Variants in SYT16 observed in about 807,000 individuals in gnomAD.
SYT16 encodes the protein synaptotagmin 16.
SYT16 carries 42 observed loss-of-function variants against 61.4 expected under a neutral mutation model. The observed-to-expected ratio is 0.68, with a 90% CI of 0.53 to 0.89. The LOEUF is 0.89. Among genes scored for constraint, SYT16 ranks in the 40% least tolerant of loss-of-function variants. SYT16 has a pLI of 0.00. For missense variants in SYT16, 804 were observed against 807.3 expected, an observed-to-expected ratio of 1.00 and a Z score of 0.05; for synonymous variants, 314 against 302.3, an observed-to-expected ratio of 1.04 and a Z score of -0.40.
intron 1 of SYT16, among the ~76,000 whole-genome samples, chr14:61,967,057 G>A (rs1258455455): frequency 6.6e-6 from 1 of 152,236 alleles, no homozygotes; most frequent in African/African-American, 2.4e-5. Context: ...GCAACACACT[G>A]TAGAAGCATC....
intron 1 of SYT16, among the ~76,000 whole-genome samples, chr14:61,835,250 ATTTTTT>A (rs11378872): frequency 9.0e-5 from 10 of 110,812 alleles, no homozygotes; most frequent in African/African-American, 2.1e-4. Context: ...TGAAAGGTGA[ATTTTTT>A]TTTTTTTTTT....
At chr14:61,819,893 G>A (rs1414509493) in intron 1 of SYT16, among the ~76,000 whole-genome samples, 1 of 152,202 alleles carries the variant, frequency 6.6e-6, no homozygotes, top group Non-Finnish European at 1.5e-5. Flanking sequence ...GAGTAAAAGA[G>A]ATGGAACAGA....
chr14:62,097,941 C>T (rs2057319444), intron 7 of SYT16, among the ~76,000 whole-genome samples: 1 of 152,162 alleles, frequency 6.6e-6, no homozygotes, highest in Non-Finnish European at 1.5e-5. Flanking sequence ...AAACACAAAT[C>T]CACTCCCTCA....
intron 2 of SYT16, among the ~76,000 whole-genome samples, chr14:61,995,513 G>A (rs1480287739): frequency 6.6e-6 from 1 of 152,128 alleles, no homozygotes; most frequent in Non-Finnish European, 1.5e-5. Flanking sequence ...GGATCTGCAG[G>A]TTTGTAGATG....
At position 61,996,287 on chromosome 14, in the gene SYT16, C is replaced by A. The variant is rs1035256170; in HGVS notation, c.268C>A (p.His90Asn). ...AAATTCCTTGTTTCTTGAAGTGGAT[C>A]ATTTCTCATGTTGTAATAGTGATTT... is the stretch of plus-strand genomic sequence containing the variant. ...DANSLFLEVD[H>N]FSCCNSDLQD... Residue 90 changes from histidine to asparagine, a missense_variant, in exon 3 of 8, where the codon CAT becomes AAT. His to Asn is a moderately conservative substitution (Grantham distance 68). Coordinates refer to ENST00000683842, the MANE Select transcript of SYT16 (RefSeq NM_001367656.1). 3 of 1,613,486 alleles carry A rather than the reference C, an allele frequency of 1.9e-6. No homozygotes were observed. The highest frequency in any genetic ancestry group is 2.7e-5 in the African/African-American group (2 of 74,896).
At chr14:61,876,940 T>C (rs984341051) in intron 1 of SYT16, among the ~76,000 whole-genome samples, 6 of 152,210 alleles carry the variant, frequency 3.9e-5, no homozygotes, top group African/African-American at 1.2e-4. Context: ...GTCATTTACT[T>C]TGAGAGTTCA....
intron 4 of SYT16, among the ~76,000 whole-genome samples, chr14:62,071,559 C>T (rs546620640): frequency 2.6e-5 from 4 of 152,292 alleles, no homozygotes; most frequent in Admixed American, 2.6e-4. Flanking sequence ...GAAATAGCCA[C>T]ATGCCAAACT....
At chr14:61,896,272 G>A (rs1036453853) in intron 1 of SYT16, among the ~76,000 whole-genome samples, 3 of 152,170 alleles carry the variant, frequency 2.0e-5, no homozygotes, top group Non-Finnish European at 4.4e-5. Context: ...TTCCTGCAAG[G>A]TGTACAGGTC....
chr14:62,045,787 A>AT (rs1388049955), intron 3 of SYT16, among the ~76,000 whole-genome samples: 7 of 151,980 alleles, frequency 4.6e-5, no homozygotes, highest in Non-Finnish European at 7.4e-5. Flanking sequence ...TGAACTCATC[A>AT]TTTTTTATGG....
intron 7 of SYT16, among the ~76,000 whole-genome samples, chr14:62,085,578 C>G (rs1274640605): frequency 6.6e-6 from 1 of 152,202 alleles, no homozygotes; most frequent in Non-Finnish European, 1.5e-5. Context: ...GAGTCATCTC[C>G]TACAACTGAA....
chr14:61,939,682 A>G (rs1193866952), intron 1 of SYT16, among the ~76,000 whole-genome samples: 1 of 152,106 alleles, frequency 6.6e-6, no homozygotes, highest in Non-Finnish European at 1.5e-5. Context: ...CCTTATCTCC[A>G]AATACAGTGA....
At chr14:62,061,062 A>T (rs2055803419) in intron 3 of SYT16, among the ~76,000 whole-genome samples, 1 of 152,118 alleles carries the variant, frequency 6.6e-6, no homozygotes, top group African/African-American at 2.4e-5. Context: ...GATGACAGTA[A>T]CACAAAGGAG....
chr14:62,089,719 A>G (rs2057008570), intron 7 of SYT16, among the ~76,000 whole-genome samples: 1 of 152,224 alleles, frequency 6.6e-6, no homozygotes, highest in African/African-American at 2.4e-5. Context: ...TCAGTGTTCA[A>G]AACTATTGTT....
At chr14:62,013,587 G>A (rs914699794) in intron 3 of SYT16, among the ~76,000 whole-genome samples, 2 of 152,208 alleles carry the variant, frequency 1.3e-5, no homozygotes, top group East Asian at 1.9e-4. Flanking sequence ...TTGGATTGCC[G>A]TGACCTCCTG....
At chr14:62,059,819 G>A (rs1383664728) in intron 3 of SYT16, among the ~76,000 whole-genome samples, 2 of 150,890 alleles carry the variant, frequency 1.3e-5, no homozygotes, top group Non-Finnish European at 3.0e-5. Context: ...GAGATAGAAG[G>A]GTTGATGTTT....
At chr14:61,986,191 A>G (rs1338424157) in intron 2 of SYT16, among the ~76,000 whole-genome samples, 2 of 151,876 alleles carry the variant, frequency 1.3e-5, no homozygotes, top group Non-Finnish European at 2.9e-5. Context: ...AGGTAAACAG[A>G]CCCCTGATTA....
chr14:62,042,566 C>T (rs2054778262), intron 3 of SYT16, among the ~76,000 whole-genome samples: 1 of 152,184 alleles, frequency 6.6e-6, no homozygotes, highest in Non-Finnish European at 1.5e-5. Context: ...CTAGTTGGAA[C>T]AGGCACTATT....
intron 1 of SYT16, among the ~76,000 whole-genome samples, chr14:61,877,219 C>T (rs1209003047): frequency 6.6e-6 from 1 of 152,052 alleles, no homozygotes; most frequent in East Asian, 1.9e-4. Context: ...TGCAGTACTC[C>T]GCCTTTTGTC....
At chr14:61,860,543 C>T (rs78985540) in intron 1 of SYT16, among the ~76,000 whole-genome samples, 16,182 of 152,152 alleles carry the variant, frequency 0.11, 910 homozygotes, top group Non-Finnish European at 0.11. Context: ...AAAGTGAGAG[C>T]AAGCTTTTAG....
Sources: gnomAD v4.1 joint callset for allele counts (sites outside exome capture counted in the v4.1 genomes callset) on GRCh38, gnomAD v4.1.1 for gene constraint, MANE v1.5 for transcripts, NCBI Gene and HGNC (gene_info 2026-07-23, HGNC 2026-07-21) for gene names.